Variants in ATXN3 observed in about 807,000 individuals in gnomAD.
ATXN3 encodes ataxin-3.
In ATXN3, 28 loss-of-function variants were observed where a neutral mutation model predicts 58.2. The ratio of observed to expected loss-of-function variants is 0.48; its 90% CI spans 0.36 to 0.66. The LOEUF is 0.66. ATXN3 is among the 30% of genes least tolerant of loss of function. The pLI, the probability that ATXN3 is intolerant of heterozygous loss-of-function variation, is 0.00. For missense variants in ATXN3, 321 were observed against 422.1 expected, an observed-to-expected ratio of 0.76 and a Z score of 2.10; for synonymous variants, 113 against 138.5, an observed-to-expected ratio of 0.82 and a Z score of 1.29.
In ATXN3 at chr14:92,082,409, T is replaced by C. The variant is rs1389668222; in HGVS notation, c.666A>G (p.Leu222=). ...TCTGCAAATCCTCCTCATCTTCGTCTAACATTCCTGAGCCATCATTTGCTT... is the reference window on the plus strand; with the variant it reads ...TCTGCAAATCCTCCTCATCTTCGTCCAACATTCCTGAGCCATCATTTGCTT... ...VLEANDGSGM[L]DEDEEDLQRA... is the part of the protein sequence containing the mutation. Residue 222 remains leucine (L), a synonymous_variant, in exon 8 of 11, where the codon TTA becomes TTG. Coordinates refer to ENST00000644486, the MANE Select transcript of ATXN3 (RefSeq NM_004993.6). 3 of 1,614,152 alleles carry C rather than the reference T, an allele frequency of 1.9e-6. No individual in the cohort carries two copies.
At chr14:92,102,978 C>T (rs996201115) in intron 1 of ATXN3, among the ~76,000 whole-genome samples, 7 of 152,110 alleles carry the variant, frequency 4.6e-5, no homozygotes, top group Non-Finnish European at 8.8e-5. Context: ...CAATGCTCAG[C>T]ATCTTTTCAA....
rs1555392594 is a variant in ATXN3, at chr14:92,060,270, A to ATATATACACACACATATATATATATATTT, written c.*4049_*4050insAAATATATATATATATGTGTGTGTATATA. On this transcript the variant is annotated 3_prime_UTR_variant, in exon 11 of 11. Coordinates refer to ENST00000644486, the MANE Select transcript of ATXN3 (RefSeq NM_004993.6). Reference sequence around the variant, plus strand: ...CACACATATATATATATATATATATATTTTTTTTTTTCAGAAACAGTGTCT... The same window carrying ATATATACACACACATATATATATATATTT: ...CACACATATATATATATATATATATATATATACACACACATATATATATATATTTTTTTTTTTTTTCAGAAACAGTGTCT... 2 of 117,422 alleles carry ATATATACACACACATATATATATATATTT rather than the reference A, an allele frequency of 1.7e-5. No individual in the cohort carries two copies. Among genetic ancestry groups the ATATATACACACACATATATATATATATTT allele is most frequent in the Admixed American group, 8.9e-5 (1 of 11,286 alleles). The allele number at this position is 117,422 out of a possible 1,614,324, so 7.3% of individuals were successfully genotyped here.
At chr14:92,081,267 T>A (rs1238724140) in intron 8 of ATXN3, among the ~76,000 whole-genome samples, 1 of 150,010 alleles carries the variant, frequency 6.7e-6, no homozygotes, top group Non-Finnish European at 1.5e-5. Context: ...AGGTCAGGAG[T>A]TCAAGACCAG....
intron 2 of ATXN3, among the ~76,000 whole-genome samples, chr14:92,046,063 C>T (rs1196243570): frequency 6.6e-6 from 1 of 152,004 alleles, no homozygotes; most frequent in African/African-American, 2.4e-5. Context: ...CCTTTGCGTA[C>T]TGAGGAAACC....
At chr14:92,075,435 G>C (rs3819779) in intron 9 of ATXN3, among the ~76,000 whole-genome samples, 38,303 of 151,940 alleles carry the variant, frequency 0.25, 5,324 homozygotes, top group East Asian at 0.44. Context: ...CGAAAGTGCT[G>C]GGATTACAAG....
intron 1 of ATXN3, among the ~76,000 whole-genome samples, chr14:92,097,611 T>C (rs2065729485): frequency 6.6e-6 from 1 of 151,306 alleles, no homozygotes; most frequent in Admixed American, 6.6e-5. Context: ...CTGTAAGCTC[T>C]GCCTCCTGAG....
chr14:92,104,654 G>A (rs1245375591), intron 1 of ATXN3, among the ~76,000 whole-genome samples: 1 of 152,092 alleles, frequency 6.6e-6, no homozygotes, highest in Non-Finnish European at 1.5e-5. Context: ...GGCCGGGTGC[G>A]GTGGCTCACG....
chr14:92,048,753 G>A (rs987971529), intron 1 of ATXN3, among the ~76,000 whole-genome samples: 4 of 152,110 alleles, frequency 2.6e-5, no homozygotes, highest in South Asian at 4.1e-4. Context: ...GTGGGGGACC[G>A]GAGGCTGAGG....
chr14:92,076,533 GAGC>G (rs1357697754), intron 9 of ATXN3, among the ~76,000 whole-genome samples: 2 of 149,808 alleles, frequency 1.3e-5, no homozygotes, highest in African/African-American at 4.9e-5. Context: ...TTAAGTAAAA[GAGC>G]AGTTTATTTT....
At chr14:92,102,113 ACTGCACT>A (rs1350957935) in intron 1 of ATXN3, among the ~76,000 whole-genome samples, 1 of 151,718 alleles carries the variant, frequency 6.6e-6, no homozygotes, top group Non-Finnish European at 1.5e-5. Context: ...AGTTCGCGCC[ACTGCACT>A]CCAGCCTGGT....
At chr14:92,080,820 G>A in intron 9 of ATXN3, 145 bp downstream of exon 9, 1 of 731,710 alleles carries the variant, frequency 1.4e-6, no homozygotes, top group Non-Finnish European at 2.3e-6. Flanking sequence ...ACAGGCGTAA[G>A]CCACCGTGCC....
rs763461497 is a variant in ATXN3 at position 92,093,790 on chromosome 14, G to T, written c.276C>A (p.Ile92=). 1 of 1,612,734 alleles carries T rather than the reference G, an allele frequency of 6.2e-7. No homozygotes were observed. The highest frequency in any genetic ancestry group is 8.5e-7 in the Non-Finnish European group (1 of 1,178,804). Residue 92 remains isoleucine, a synonymous_variant, in exon 4 of 11, where the codon ATC becomes ATA. Transcript: ENST00000644486. ...TCTGATACTCTGGACTGTTGAACAG[G>T]ATTAGTTCTAAACCCCAAACTTTCA... ...NALKVWGLEL[I]LFNSPEYQRL...
chr14:92,085,106 AAG>A (rs1379211551), intron 6 of ATXN3, among the ~76,000 whole-genome samples: 2 of 152,130 alleles, frequency 1.3e-5, no homozygotes, highest in African/African-American at 2.4e-5. Context: ...GTATTCTATG[AAG>A]AGTGTCTGAA....
intron 3 of ATXN3, among the ~76,000 whole-genome samples, chr14:92,094,164 T>C (rs2064612414): frequency 6.6e-6 from 1 of 151,990 alleles, no homozygotes; most frequent in Non-Finnish European, 1.5e-5. Flanking sequence ...CTGGTCTCAA[T>C]CTCCTGACCT....
chr14:92,069,700 T>A (rs2059120598), intron 10 of ATXN3, among the ~76,000 whole-genome samples: 1 of 152,148 alleles, frequency 6.6e-6, no homozygotes, highest in Non-Finnish European at 1.5e-5. Flanking sequence ...TAAGTTTTTA[T>A]GTGAACCTAA....
At chr14:92,082,231 C>T in intron 8 of ATXN3, 69 bp downstream of exon 8, 1 of 1,500,376 alleles carries the variant, frequency 6.7e-7, no homozygotes, top group Non-Finnish European at 9.0e-7. Flanking sequence ...CATTAACTTC[C>T]ATGAAATCTA....
upstream of ATXN3, chr14:92,050,385 C>A (rs538337270): frequency 6.6e-6 from 1 of 152,266 alleles, no homozygotes; most frequent in South Asian, 2.1e-4. Flanking sequence ...CCTTTTTCTG[C>A]AAAATATCTC....
chr14:92,093,944 GT>G (rs10606586), intron 3 of ATXN3, 113 bp from the exon 4 acceptor site: 18,249 of 426,162 alleles, frequency 0.043, no homozygotes, highest in South Asian at 0.049. Context: ...AAGGCTATAG[GT>G]TTTTTTTTTT....
At chr14:92,065,995 ATTGCCCAGGC>A (rs2140252915) in intron 10 of ATXN3, among the ~76,000 whole-genome samples, 1 of 152,196 alleles carries the variant, frequency 6.6e-6, no homozygotes, top group African/African-American at 2.4e-5. Context: ...ACTGTGCAGC[ATTGCCCAGGC>A]TGGTCTTGAA....
Sources: allele counts gnomAD v4.1 joint callset (sites outside exome capture counted in the v4.1 genomes callset), GRCh38; gene constraint gnomAD v4.1.1; transcripts MANE v1.5; gene names NCBI Gene and HGNC (gene_info 2026-07-23, HGNC 2026-07-21).